The following NCAPD2 variants were observed in gnomAD, a reference collection of about 807,000 sequenced individuals.
NCAPD2 encodes the protein condensin complex subunit 1.
A neutral mutation model predicts 164.5 loss-of-function variants in NCAPD2; 100 were observed. The ratio of observed to expected loss-of-function variants is 0.61; its 90% CI spans 0.52 to 0.72. The LOEUF is 0.72. Among genes scored for constraint, NCAPD2 ranks in the 30% least tolerant of loss-of-function variants. NCAPD2 has a pLI of 0.00. For missense variants in NCAPD2, 1,560 were observed against 1,749.2 expected (o/e 0.89, Z 1.93); for synonymous variants, 585 against 642.6 (o/e 0.91, Z 1.36).
chr12:6,521,690 G>C (rs2137055749), intron 14 of NCAPD2, 108 bp from the exon 15 acceptor site: 1 of 1,405,758 alleles, frequency 7.1e-7, no homozygotes, highest in East Asian at 2.3e-5. Flanking sequence ...CATCTCAAAA[G>C]AAAAGAAGAA....
chr12:6,531,744 T>C lies in NCAPD2; in HGVS notation c.*332T>C, dbSNP rs112826761. ...CGCCTGAACCCAGAGGCGGAGGTTG[T>C]AGTGAGCCGAAATCACACCATTGCA... is the stretch of plus-strand genomic sequence containing the variant. On this transcript the variant is annotated 3_prime_UTR_variant, in exon 32 of 32. Transcript: ENST00000315579. The surrounding 1 kb of genome is among the most constrained non-coding windows in gnomAD (Gnocchi z 4.1). 18,824 of 340,474 alleles carry C rather than the reference T, an allele frequency of 0.055. 1,298 individuals are homozygous for C. The highest frequency in any genetic ancestry group is 0.21 in the African/African-American group (9,643 of 46,044). The allele number at this position is 340,474 out of a possible 1,614,324, so 21.1% of individuals were successfully genotyped here.
In NCAPD2 at chr12:6,528,821, C is replaced by A; in HGVS notation, c.3442C>A (p.Leu1148Met). The A allele has an allele frequency of 6.2e-7, 1 of 1,613,988 alleles. No homozygotes were observed. Among genetic ancestry groups the A allele is most frequent in the Non-Finnish European group, 8.5e-7 (1 of 1,179,910 alleles). ...CGACCCCGAGCCTCAGATTGCTGCC[C>A]TGGCCAAGAACTTCTTCAATGAGCT... ...LIDPEPQIAA[L>M]AKNFFNELSH... Residue 1148 changes from leucine (L) to methionine (M), a missense_variant, in exon 26 of 32, where the codon CTG becomes ATG. Coordinates refer to ENST00000315579, the MANE Select transcript of NCAPD2 (RefSeq NM_014865.4). This position sits in a 1 kb window ranked among gnomAD's most constrained non-coding sequence, Gnocchi z 5.1.
chr12:6,504,228 T>TATATATATATAC (rs1946077255), intron 2 of NCAPD2, among the ~76,000 whole-genome samples: 1 of 55,874 alleles, frequency 1.8e-5, no homozygotes, highest in African/African-American at 7.1e-5. Flanking sequence ...GATATAGATA[T>TATATATATATAC]ATATATATAT....
At chr12:6,511,046 C>G (rs1161279665) in intron 5 of NCAPD2, 64 bp from the exon 6 acceptor site, 2 of 1,556,268 alleles carry the variant, frequency 1.3e-6, no homozygotes, top group African/African-American at 1.4e-5. Flanking sequence ...GGCACTCAGA[C>G]TGACAGATCT....
intron 2 of NCAPD2, among the ~76,000 whole-genome samples, chr12:6,499,623 C>G (rs1402322875): frequency 6.6e-6 from 1 of 152,042 alleles, no homozygotes; most frequent in Admixed American, 6.6e-5. Context: ...AACTCCTGAC[C>G]TCAGGTGATC....
chr12:6,510,699 C>A lies in NCAPD2; in HGVS notation c.333C>A (p.Asn111Lys). ...DDTTLSGSDR[N>K]AHLNALKMNC... ...CAACTTTGAGTGGATCAGATAGAAA[C>A]GCCCATCTAAATGCCCTCAAAATGA... The change falls in exon 5 of 32, where the codon AAC becomes AAA. Residue 111 changes from asparagine to lysine, a missense_variant. By Grantham distance (94) the Asn-to-Lys change is moderately conservative. Transcript: ENST00000315579. 1 of 1,614,136 alleles carries A rather than the reference C, an allele frequency of 6.2e-7. No homozygotes were observed. The highest frequency in any genetic ancestry group is 1.1e-5 in the South Asian group (1 of 91,084).
Position 6,527,199 on chromosome 12 carries a change from G to C in NCAPD2, c.2907+136G>C, listed in dbSNP as rs1031936750. 3 of 942,204 alleles carry C rather than the reference G, an allele frequency of 3.2e-6. No homozygotes were observed. The African/African-American group carries it at 5.1e-5, about 16-fold the overall frequency. The allele number at this position is 942,204 out of a possible 1,614,324, so 58.4% of individuals were successfully genotyped here. ...TTTCTGCCTCTCTGTGGCTACTACC[G>C]TAGGAAAGGTTCGTGTGAACAATGA... On this transcript the variant is annotated intron_variant, in intron 22 of 31. Transcript: ENST00000315579.
intron 5 of NCAPD2, 23 bp from the exon 6 acceptor site, chr12:6,511,087 A>T: frequency 6.2e-7 from 1 of 1,605,494 alleles, no homozygotes. Context: ...TTTTTTCCTC[A>T]ATGTATACAT....
intron 2 of NCAPD2, among the ~76,000 whole-genome samples, chr12:6,502,859 C>T (rs200336061): frequency 3.9e-4 from 47 of 119,752 alleles, no homozygotes; most frequent in African/African-American, 1.4e-3. Flanking sequence ...GTTGTTGTTG[C>T]TTTTTTTTTG....
In NCAPD2 at chr12:6,530,744, G is replaced by A; in HGVS notation, c.3891G>A (p.Leu1297=). ...QKLRACHTRG[L]DGIKELEIGQ... Reference sequence around the variant, plus strand: ...TTCGGGCCTGTCATACCAGAGGTTTGGATGGAATCAAGGAGCTTGAGATTG... The same window carrying A: ...TTCGGGCCTGTCATACCAGAGGTTTAGATGGAATCAAGGAGCTTGAGATTG... Residue 1297 remains leucine (L), a synonymous_variant, in exon 30 of 32, where the codon TTG becomes TTA. Coordinates refer to ENST00000315579, the MANE Select transcript of NCAPD2 (RefSeq NM_014865.4). 1 of 1,614,224 alleles carries A rather than the reference G, an allele frequency of 6.2e-7. No individual in the cohort carries two copies. The highest frequency in any genetic ancestry group is 8.5e-7 in the Non-Finnish European group (1 of 1,180,046).
intron 2 of NCAPD2, among the ~76,000 whole-genome samples, chr12:6,495,594 C>CCTTTTTGGAGT (rs1945972495): frequency 6.6e-6 from 1 of 152,038 alleles, no homozygotes; most frequent in Non-Finnish European, 1.5e-5. Context: ...TTTGGTAATA[C>CCTTTTTGGAGT]CTTTTTGGAG....
chr12:6,518,504 G>GTTTTTGTTTTGTTTT (rs746627585), intron 13 of NCAPD2, among the ~76,000 whole-genome samples: 2 of 44,774 alleles, frequency 4.5e-5, no homozygotes. Flanking sequence ...CCGTCAACAA[G>GTTTTTGTTTTGTTTT]TTTTTTTTTT....
Position 6,528,243 on chromosome 12 carries a change from C to T in NCAPD2, c.3214C>T (p.Arg1072Trp), listed in dbSNP as rs760783711. The change falls in exon 25 of 32, where the codon CGG becomes TGG. Residue 1072 changes from arginine (R) to tryptophan (W), a missense_variant. Arg to Trp is a moderately radical substitution (Grantham distance 101). Coordinates refer to ENST00000315579, the MANE Select transcript of NCAPD2 (RefSeq NM_014865.4). This position sits in a 1 kb window ranked among gnomAD's most constrained non-coding sequence, Gnocchi z 5.1. The part of the protein sequence containing the change: ...MLEKSPLPIV[R>W]SNLMVATGDL... ...GGAAAAGTCTCCACTTCCCATTGTC[C>T]GGTCTAACCTCATGGTTGCCACTGG... The T allele has an allele frequency of 8.7e-6, 14 of 1,613,958 alleles. No individual in the cohort carries two copies. Among genetic ancestry groups the T allele is most frequent in the African/African-American group, 1.3e-5 (1 of 74,906 alleles).
chr12:6,504,179 A>G (rs1446220920), intron 2 of NCAPD2, among the ~76,000 whole-genome samples: 1 of 61,204 alleles, frequency 1.6e-5, no homozygotes, highest in Non-Finnish European at 3.0e-5. Context: ...ACATATATAT[A>G]TACATATATA....
At position 6,523,063 on chromosome 12, in the gene NCAPD2, C is replaced by T. The variant is rs1946279510; in HGVS notation, c.2129+61C>T. The T allele has an allele frequency of 2.5e-6, 4 of 1,581,378 alleles. No individual in the cohort carries two copies. The South Asian group carries it at 3.3e-5, about 13-fold the overall frequency. The stretch of plus-strand genomic sequence containing the variant: ...AAGGTCAGCTTCTCACAGGACTTCC[C>T]TTGTCTCCTAAAGGAAGAGGTGCAT... On this transcript the variant is annotated intron_variant, in intron 16 of 31. Coordinates refer to ENST00000315579, the MANE Select transcript of NCAPD2 (RefSeq NM_014865.4).
intron 18 of NCAPD2, 103 bp downstream of exon 18, chr12:6,525,819 C>G: frequency 2.0e-6 from 3 of 1,482,738 alleles, no homozygotes; most frequent in Non-Finnish European, 2.7e-6. Flanking sequence ...CCCAACTGAG[C>G]TCTGCTGTGA....
intron 21 of NCAPD2, 113 bp from the exon 22 acceptor site, chr12:6,526,770 CTTACTACT>C: frequency 7.0e-7 from 1 of 1,421,750 alleles, no homozygotes; most frequent in Admixed American, 2.0e-5. Flanking sequence ...ACCCCCAACT[CTTACTACT>C]TCACTAGTTT....
Position 6,515,929 on chromosome 12 carries a change from C to T in NCAPD2, c.988-899C>T, listed in dbSNP as rs141320749. Among the ~76,000 whole-genome samples the T allele has an allele frequency of 5.9e-5, 9 of 152,182 alleles. No individual in the cohort carries two copies. In the South Asian group the frequency reaches 8.3e-4, roughly 14 times the overall value. ...CTTTGAGGCCAGGTGTGGTGGCTCA[C>T]GCCTGTAATCCCAGCACTTTGGGAG... On this transcript the variant is annotated intron_variant, in intron 9 of 31. Coordinates refer to ENST00000315579, the MANE Select transcript of NCAPD2 (RefSeq NM_014865.4).
chr12:6,523,552 C>T (rs1003538247), intron 17 of NCAPD2, among the ~76,000 whole-genome samples: 2 of 152,174 alleles, frequency 1.3e-5, no homozygotes, highest in Non-Finnish European at 2.9e-5. Context: ...CATGTGCCAC[C>T]ATGCCCGACT....
Sources: gnomAD v4.1 joint callset for allele counts (sites outside exome capture counted in the v4.1 genomes callset) on GRCh38, gnomAD v4.1.1 for gene constraint, Gnocchi (gnomAD v3.1) non-coding constraint, MANE v1.5 for transcripts, NCBI Gene and HGNC (gene_info 2026-07-23, HGNC 2026-07-21) for gene names.